The following ZYG11B variants were observed in gnomAD, a reference collection of about 807,000 sequenced individuals.
The protein encoded by ZYG11B is protein zyg-11 homolog B.
In ZYG11B, 36 loss-of-function variants were observed where a neutral mutation model predicts 82.4. The observed-to-expected ratio is 0.44, with a 90% CI of 0.33 to 0.58. The LOEUF (loss-of-function observed/expected upper bound fraction) is 0.58. ZYG11B is among the 20% of genes least tolerant of loss of function. ZYG11B has a pLI of 0.02. For missense variants in ZYG11B, 552 were observed against 895.6 expected (o/e 0.62, Z 4.90); for synonymous variants, 303 against 312.8 (o/e 0.97, Z 0.33).
intron 3 of ZYG11B, chr1:52,772,498 C>T (rs1448721088): frequency 1.1e-5 from 17 of 1,600,122 alleles, no homozygotes; most frequent in African/African-American, 2.7e-5. Flanking sequence ...ACGATTACAC[C>T]GATCTGTGAA....
At chr1:52,803,205 C>T (rs747457444) in intron 10 of ZYG11B, among the ~76,000 whole-genome samples, 2,364 of 45,536 alleles carry the variant, frequency 0.052, 294 homozygotes, top group African/African-American at 0.24. Flanking sequence ...TATATATATA[C>T]ACACACATAT....
intron 6 of ZYG11B, 48 bp from the exon 7 acceptor site, chr1:52,796,244 T>G (rs1366774227): frequency 2.8e-6 from 4 of 1,431,344 alleles, no homozygotes; most frequent in Non-Finnish European, 3.9e-6. Flanking sequence ...TCTGAAATTG[T>G]GCCTGGGCCT....
chr1:52,727,333 T>C (rs1213849414), intron 1 of ZYG11B, among the ~76,000 whole-genome samples: 3 of 152,148 alleles, frequency 2.0e-5, no homozygotes, highest in Admixed American at 2.0e-4. Flanking sequence ...CTTCTTCCTT[T>C]TCGTTTTTGG....
At chr1:52,797,408 ATATC>A (rs1645031682) in intron 8 of ZYG11B, among the ~76,000 whole-genome samples, 1 of 83,622 alleles carries the variant, frequency 1.2e-5, no homozygotes, top group Non-Finnish European at 2.1e-5. Context: ...TATGAAATAT[ATATC>A]ATATATTATA....
chr1:52,820,490 T>A (rs1228776489), intron 13 of ZYG11B, among the ~76,000 whole-genome samples: 1 of 151,230 alleles, frequency 6.6e-6, no homozygotes, highest in African/African-American at 2.4e-5. Flanking sequence ...CTACCAAAAA[T>A]ACAAAAATTT....
chr1:52,735,066 C>T (rs1394871565), intron 1 of ZYG11B, among the ~76,000 whole-genome samples: 1 of 142,132 alleles, frequency 7.0e-6, no homozygotes, highest in South Asian at 2.2e-4. Context: ...GAGTTTCTCT[C>T]GTTGCCCAGG....
chr1:52,742,341 A>G (rs892171416), intron 1 of ZYG11B, among the ~76,000 whole-genome samples: 3 of 151,920 alleles, frequency 2.0e-5, no homozygotes, highest in Non-Finnish European at 4.4e-5. Flanking sequence ...AGTCCCAGCT[A>G]TTCGGATGGC....
At chr1:52,804,556 T>G (rs36049921) in intron 10 of ZYG11B, among the ~76,000 whole-genome samples, 1 of 151,874 alleles carries the variant, frequency 6.6e-6, no homozygotes, top group East Asian at 1.9e-4. Context: ...GAGGTTGCTG[T>G]GAGCCGAGAT....
intron 3 of ZYG11B, 26 bp from the exon 4 acceptor site, chr1:52,779,826 TA>T: frequency 1.2e-6 from 2 of 1,609,980 alleles, no homozygotes; most frequent in African/African-American, 1.3e-5. Context: ...GAGAGAATTC[TA>T]AAAGCTAATC....
Position 52,825,819 on chromosome 1 carries a change from A to G in ZYG11B, c.*4190A>G, listed in dbSNP as rs1412157286. Reference sequence around the variant, plus strand: ...CCTGGTCTTAGCTGTGTTTTTAATTATGCCATGCATCAACATAACACCGGG... The same window carrying G: ...CCTGGTCTTAGCTGTGTTTTTAATTGTGCCATGCATCAACATAACACCGGG... On this transcript the variant is annotated 3_prime_UTR_variant, in exon 14 of 14. Transcript: ENST00000294353. 6.6e-6 allele frequency: 1 copy of G among 152,102 alleles called. No individual in the cohort carries two copies. The highest frequency in any genetic ancestry group is 2.4e-5 in the African/African-American group (1 of 41,432). 9.4% of individuals were successfully genotyped at this position (152,102 alleles called of 1,614,324 possible).
At position 52,826,028 on chromosome 1, in the gene ZYG11B, T is replaced by G. The variant is rs1333882523; in HGVS notation, c.*4399T>G. The G allele has an allele frequency of 6.6e-6, 1 of 152,324 alleles. No homozygotes were observed. Among genetic ancestry groups the G allele is most frequent in the East Asian group, 1.9e-4 (1 of 5,186 alleles). The allele number at this position is 152,324 out of a possible 1,614,324, so 9.4% of individuals were successfully genotyped here. A position where few individuals can be genotyped will look rare whatever the true frequency, so the allele number is the denominator to read the frequency against. ...GCAGGGAAAACAAACTTAAACTCTT[T>G]GTATATGGTGAAACCCATCCCTCTC... On this transcript the variant is annotated 3_prime_UTR_variant, in exon 14 of 14. Coordinates refer to ENST00000294353, the MANE Select transcript of ZYG11B (RefSeq NM_024646.3).
intron 10 of ZYG11B, among the ~76,000 whole-genome samples, chr1:52,804,939 A>G (rs755781161): frequency 1.3e-5 from 2 of 151,840 alleles, no homozygotes; most frequent in Non-Finnish European, 2.9e-5. Context: ...TAAAAATACA[A>G]AATTAGCCGG....
chr1:52,802,011 A>T (rs1486416357), intron 9 of ZYG11B, 31 bp downstream of exon 9: 17 of 1,585,714 alleles, frequency 1.1e-5, no homozygotes, highest in Non-Finnish European at 1.5e-5. Flanking sequence ...TACAGTTTTG[A>T]TATTTATTAA....
intron 1 of ZYG11B, among the ~76,000 whole-genome samples, chr1:52,742,158 GATTCTT>G (rs1644435983): frequency 6.6e-6 from 1 of 152,096 alleles, no homozygotes; most frequent in Non-Finnish European, 1.5e-5. Context: ...TCTTGAGCCT[GATTCTT>G]ATGAGTTGAG....
chr1:52,770,410 ATATGT>A lies in ZYG11B; in HGVS notation c.197-607_197-603del, dbSNP rs938168483. On this transcript the variant is annotated intron_variant, in intron 2 of 13. Coordinates refer to ENST00000294353, the MANE Select transcript of ZYG11B (RefSeq NM_024646.3). ...TATGTGTATATGTGTTTGTATAATA[ATATGT>A]TAAGGTGAATTTAAAGGATAGGCTA... Among the ~76,000 whole-genome samples the A allele has an allele frequency of 2.2e-4, 34 of 152,162 alleles. 1 individual carries two copies. The highest frequency in any genetic ancestry group is 6.0e-4 in the African/African-American group (25 of 41,432).
chr1:52,803,095 TATACATATATATATATATATATACACAC>T (rs1558139979), intron 10 of ZYG11B, among the ~76,000 whole-genome samples: 897 of 50,982 alleles, frequency 0.018, 64 homozygotes, highest in African/African-American at 0.1. Context: ...CACATATATA[TATACATATATATATATATATATACACAC>T]ATATATATAT....
chr1:52,783,985 CATAT>C (rs1553260890), intron 4 of ZYG11B, among the ~76,000 whole-genome samples: 2 of 146,156 alleles, frequency 1.4e-5, no homozygotes, highest in South Asian at 2.2e-4. Context: ...CACACACACA[CATAT>C]ATATATATAG....
At chr1:52,755,764 C>T (rs1017191350) in intron 1 of ZYG11B, among the ~76,000 whole-genome samples, 1 of 152,038 alleles carries the variant, frequency 6.6e-6, no homozygotes, top group African/African-American at 2.4e-5. Flanking sequence ...CTCGGCCTCC[C>T]AAAGTGCTGG....
chr1:52,738,464 A>G (rs1224304061), intron 1 of ZYG11B, among the ~76,000 whole-genome samples: 1 of 152,044 alleles, frequency 6.6e-6, no homozygotes, highest in Non-Finnish European at 1.5e-5. Context: ...TACAGGCATG[A>G]GCCACTACAC....
Sources: gnomAD v4.1 joint callset for allele counts (sites outside exome capture counted in the v4.1 genomes callset) on GRCh38, gnomAD v4.1.1 for gene constraint, MANE v1.5 for transcripts, NCBI Gene and HGNC (gene_info 2026-07-23, HGNC 2026-07-21) for gene names.